The following KLF7 variants were observed in gnomAD, a reference collection of about 807,000 sequenced individuals.
KLF7 encodes Krueppel-like factor 7.
A neutral mutation model predicts 27.3 loss-of-function variants in KLF7; 2 were observed. The ratio of observed to expected loss-of-function variants is 0.07; its 90% confidence interval spans 0.03 to 0.23. The LOEUF (loss-of-function observed/expected upper bound fraction) is 0.23. Among genes scored for constraint, KLF7 ranks in the 10% least tolerant of loss-of-function variants. The pLI, the probability that KLF7 is intolerant of heterozygous loss-of-function variation, is 1.00. For missense variants in KLF7, 221 were observed against 394.1 expected, an observed-to-expected ratio of 0.56 and a Z score of 3.72; for synonymous variants, 165 against 162.4, an observed-to-expected ratio of 1.02 and a Z score of -0.12.
chr2:207,160,805 C>A (rs1389283078), intron 1 of KLF7, among the ~76,000 whole-genome samples: 2 of 152,188 alleles, frequency 1.3e-5, no homozygotes, highest in African/African-American at 4.8e-5. Context: ...TTAGAATGGG[C>A]TGGCAGAAAG....
At chr2:207,133,970 T>C in intron 1 of KLF7, 1 of 890,550 alleles carries the variant, frequency 1.1e-6, no homozygotes, top group South Asian at 1.8e-5. Flanking sequence ...TTAATCCTGT[T>C]TTACAGCCCG....
chr2:207,087,038 G>C (rs2076404608), intron 3 of KLF7, among the ~76,000 whole-genome samples: 1 of 152,242 alleles, frequency 6.6e-6, no homozygotes, highest in African/African-American at 2.4e-5. Context: ...GGAAGATGGG[G>C]AATAAGGAGA....
At chr2:207,139,238 T>C (rs1246032628) in intron 1 of KLF7, among the ~76,000 whole-genome samples, 1 of 152,172 alleles carries the variant, frequency 6.6e-6, no homozygotes, top group Non-Finnish European at 1.5e-5. Context: ...TGAAATGACA[T>C]ACATTTCTTT....
chr2:207,103,814 A>G (rs1041671397), intron 2 of KLF7, among the ~76,000 whole-genome samples: 1 of 152,246 alleles, frequency 6.6e-6, no homozygotes, highest in Non-Finnish European at 1.5e-5. Flanking sequence ...GTGAAGAGAG[A>G]TGCTTTCTGT....
At chr2:207,119,359 CTT>C (rs2077272664) in intron 2 of KLF7, among the ~76,000 whole-genome samples, 1 of 152,102 alleles carries the variant, frequency 6.6e-6, no homozygotes, top group Non-Finnish European at 1.5e-5. Context: ...TTTTTTATCT[CTT>C]CTCAGAAGTA....
upstream of KLF7, among the ~76,000 whole-genome samples, chr2:207,169,996 C>T (rs1282040874): frequency 3.9e-5 from 6 of 151,956 alleles, no homozygotes; most frequent in Non-Finnish European, 8.8e-5. Context: ...GGAAGAGTGA[C>T]ATATCTCTTT....
In KLF7 at chr2:207,078,897, A is replaced by G. The variant is rs2076220166; in HGVS notation, c.*2316T>C. 6.6e-6 allele frequency: 1 copy of G among 152,210 alleles called. No individual in the cohort carries two copies. Among genetic ancestry groups the G allele is most frequent in the Non-Finnish European group, 1.5e-5 (1 of 68,040 alleles). The allele number at this position is 152,210 out of a possible 1,614,324, so 9.4% of individuals were successfully genotyped here. On this transcript the variant is annotated 3_prime_UTR_variant, in exon 4 of 4. Coordinates refer to ENST00000309446, the MANE Select transcript of KLF7 (RefSeq NM_003709.4). ...ATTGTCAGCAAGCAGTGCTCCAGAAATTGTTTTTAAGTCATGTCTAGTTTT... is the reference window on the plus strand; with the variant it reads ...ATTGTCAGCAAGCAGTGCTCCAGAAGTTGTTTTTAAGTCATGTCTAGTTTT...
chr2:207,076,152 G>C lies in KLF7; in HGVS notation c.*5061C>G, dbSNP rs1048886943. The C allele has an allele frequency of 1.3e-5, 2 of 152,052 alleles. No individual in the cohort carries two copies. The highest frequency in any genetic ancestry group is 2.9e-5 in the Non-Finnish European group (2 of 68,018). The allele number at this position is 152,052 out of a possible 1,614,324, so 9.4% of individuals were successfully genotyped here. Reference sequence around the variant, plus strand: ...GACAGGTACATATGCGCATGTCTAGGTGCGAGCATATATACCACCCTCATT... The same window carrying C: ...GACAGGTACATATGCGCATGTCTAGCTGCGAGCATATATACCACCCTCATT... On this transcript the variant is annotated 3_prime_UTR_variant, in exon 4 of 4. Coordinates refer to ENST00000309446, the MANE Select transcript of KLF7 (RefSeq NM_003709.4).
intron 1 of KLF7, among the ~76,000 whole-genome samples, chr2:207,136,107 C>T (rs1266939107): frequency 6.6e-6 from 1 of 152,186 alleles, no homozygotes; most frequent in Non-Finnish European, 1.5e-5. Flanking sequence ...GGTTCAGCGC[C>T]TGCCTTTCCC....
chr2:207,166,990 A>C, upstream of KLF7: 2 of 764,176 alleles, frequency 2.6e-6, no homozygotes, highest in Non-Finnish European at 3.4e-6. Flanking sequence ...CCCGAGCGAG[A>C]GACCTGGTCG....
chr2:207,105,676 T>C (rs552781426), intron 2 of KLF7, among the ~76,000 whole-genome samples: 1 of 152,300 alleles, frequency 6.6e-6, no homozygotes, highest in Admixed American at 6.5e-5. Context: ...TCCAATTCAT[T>C]AGCAGGGGTG....
chr2:207,156,179 C>CAT (rs745484511), intron 1 of KLF7, among the ~76,000 whole-genome samples: 59 of 152,204 alleles, frequency 3.9e-4, no homozygotes, highest in Non-Finnish European at 7.5e-4. Flanking sequence ...AGCTACAGGA[C>CAT]ATACAATTTT....
the KLF7 span, among the ~76,000 whole-genome samples, chr2:207,172,986 T>G: frequency 7.2e-4 from 91 of 126,326 alleles, 1 homozygote; most frequent in African/African-American, 3.1e-3. Flanking sequence ...ATAAATATTT[T>G]TGTGTACTGA....
intron 2 of KLF7, among the ~76,000 whole-genome samples, chr2:207,102,498 T>C (rs990043392): frequency 2.0e-5 from 3 of 152,208 alleles, no homozygotes; most frequent in Non-Finnish European, 1.5e-5. Flanking sequence ...TCCAGTAATG[T>C]AATGTTCTCA....
intron 1 of KLF7, among the ~76,000 whole-genome samples, chr2:207,148,613 G>A (rs1176298991): frequency 2.0e-5 from 3 of 152,046 alleles, no homozygotes; most frequent in African/African-American, 7.3e-5. Flanking sequence ...TTAAAATCAG[G>A]GGACTTCAAA....
At position 207,161,114 on chromosome 2, in the gene KLF7, A is replaced by T. The variant is rs541627214; in HGVS notation, c.102+4353T>A. ...GAATGATAATGTTTGAAGCCCCTAAATCTACACAAAGATGTGTCTGTTAAA... is the reference window on the plus strand; with the variant it reads ...GAATGATAATGTTTGAAGCCCCTAATTCTACACAAAGATGTGTCTGTTAAA... On this transcript the variant is annotated intron_variant, in intron 1 of 3. Transcript: ENST00000309446. Among the ~76,000 whole-genome samples the T allele has an allele frequency of 5.3e-5, 8 of 152,364 alleles. No individual in the cohort carries two copies. In the East Asian group the frequency reaches 1.5e-3, roughly 29 times the overall value.
intron 2 of KLF7, among the ~76,000 whole-genome samples, chr2:207,103,966 A>C (rs954997644): frequency 6.6e-6 from 1 of 152,358 alleles, no homozygotes; most frequent in Non-Finnish European, 1.5e-5. Flanking sequence ...AAGAGCCTGC[A>C]ATCACCTGAT....
chr2:207,085,391 G>A (rs574571958), intron 3 of KLF7, among the ~76,000 whole-genome samples: 25 of 151,970 alleles, frequency 1.6e-4, no homozygotes, highest in African/African-American at 4.8e-4. Flanking sequence ...TGAGTCAGTC[G>A]GTAGAATGAG....
intron 2 of KLF7, among the ~76,000 whole-genome samples, chr2:207,115,554 ATTATT>A (rs2077155565): frequency 6.6e-6 from 1 of 152,248 alleles, no homozygotes; most frequent in South Asian, 2.1e-4. Flanking sequence ...CCAACTTTTA[ATTATT>A]TTAAGTGATC....
Sources: gnomAD v4.1 joint callset for allele counts (sites outside exome capture counted in the v4.1 genomes callset) on GRCh38, gnomAD v4.1.1 for gene constraint, MANE v1.5 for transcripts, NCBI Gene and HGNC (gene_info 2026-07-23, HGNC 2026-07-21) for gene names.